Variants in CSMD1 observed in about 807,000 individuals in gnomAD.
CSMD1 encodes CUB and sushi domain-containing protein 1.
In CSMD1, 213 loss-of-function variants were observed where a neutral mutation model predicts 417.5. The observed-to-expected ratio is 0.51, with a 90% confidence interval of 0.46 to 0.57. The LOEUF is 0.57. Ranked by LOEUF, CSMD1 falls within the 20% of genes least tolerant of loss-of-function variation. The probability of loss-of-function intolerance (pLI) is 0.00; values close to 1 mark genes in which losing one functional copy is unlikely to be tolerated. For synonymous variants in CSMD1, 2,862 were observed against 1,736.8 expected (o/e 1.65, Z -16.11); for missense variants, 6,923 against 4,529.7 (o/e 1.53, Z -15.17).
In CSMD1 at chr8:3,223,825, A is replaced by G. The variant is rs751263029; in HGVS notation, c.4388T>C (p.Leu1463Ser). ...GNLTGPAGVILSPNYPQPYPP... is the reference protein window; with the variant it reads ...GNLTGPAGVISSPNYPQPYPP... ...ATACGGCTGTGGGTAGTTGGGTGAC[A>G]AAATAACACCTGCTGGGCCCGTCAG... The change falls in exon 28 of 70, where the codon TTG becomes TCG. Residue 1463 changes from leucine to serine, a missense_variant. By Grantham distance (145) the Leu-to-Ser change is moderately radical (BLOSUM62 -2). Coordinates refer to ENST00000635120, the MANE Select transcript of CSMD1 (RefSeq NM_033225.6). 6.2e-7 allele frequency: 1 copy of G among 1,613,792 alleles called. No homozygotes were observed. The highest frequency in any genetic ancestry group is 1.3e-5 in the African/African-American group (1 of 74,928).
intron 54 of CSMD1, among the ~76,000 whole-genome samples, chr8:2,996,057 CA>C (rs1245901797): frequency 6.6e-6 from 1 of 151,884 alleles, no homozygotes; most frequent in Non-Finnish European, 1.5e-5. Flanking sequence ...GGGTAGGGGA[CA>C]AAAAGGACCT....
intron 12 of CSMD1, among the ~76,000 whole-genome samples, chr8:3,419,079 G>A (rs1288551922): frequency 1.3e-5 from 2 of 152,132 alleles, no homozygotes; most frequent in African/African-American, 4.8e-5. Flanking sequence ...ATTGTTTAAG[G>A]CTGAAACGCC....
chr8:3,532,493 C>G (rs1479357535), intron 10 of CSMD1, among the ~76,000 whole-genome samples: 5 of 152,134 alleles, frequency 3.3e-5, no homozygotes, highest in African/African-American at 1.2e-4. Flanking sequence ...ACCTCTCCTC[C>G]ATATCCCAAC....
At chr8:2,991,324 C>G (rs1806365847) in intron 54 of CSMD1, among the ~76,000 whole-genome samples, 3 of 152,140 alleles carry the variant, frequency 2.0e-5, no homozygotes, top group South Asian at 4.1e-4. Context: ...AGGGTAAGGA[C>G]TAAAACACAC....
intron 5 of CSMD1, among the ~76,000 whole-genome samples, chr8:3,839,258 CTTATATATACTATTAATATATAATATTAA>C (rs1802938119): frequency 1.7e-5 from 2 of 120,990 alleles, no homozygotes; most frequent in Non-Finnish European, 3.2e-5. Context: ...ATATATATTA[CTTATATATACTATTAATATATAATATTAA>C]TTATATATAC....
At chr8:3,626,915 T>C (rs903223274) in intron 7 of CSMD1, among the ~76,000 whole-genome samples, 10 of 150,820 alleles carry the variant, frequency 6.6e-5, no homozygotes, top group Non-Finnish European at 1.5e-4. Flanking sequence ...ATTAAGGCTT[T>C]ATTAAATATT....
At chr8:4,409,163 C>G (rs894535903) in intron 3 of CSMD1, among the ~76,000 whole-genome samples, 2 of 152,074 alleles carry the variant, frequency 1.3e-5, no homozygotes, top group East Asian at 3.9e-4. Context: ...TACAAAATGA[C>G]CTTCAAATGG....
chr8:4,549,101 TAAGAA>T (rs1792815282), intron 2 of CSMD1, among the ~76,000 whole-genome samples: 1 of 152,150 alleles, frequency 6.6e-6, no homozygotes, highest in African/African-American at 2.4e-5. Context: ...AAGTTTGACT[TAAGAA>T]AAGTGGTCAT....
rs375708883 is a variant in CSMD1, at chr8:3,777,346, C to G, written c.819-23304G>C. Among the ~76,000 whole-genome samples the G allele has an allele frequency of 9.9e-4, 150 of 152,232 alleles. 4 individuals carry two copies. In the South Asian group the frequency reaches 0.03, roughly 31 times the overall value. ...AATCCTACTCACACAGTGCTCCAGACAGCAGTGCCTCCAGATGAGCTAACT... is the reference window on the plus strand; with the variant it reads ...AATCCTACTCACACAGTGCTCCAGAGAGCAGTGCCTCCAGATGAGCTAACT... On this transcript the variant is annotated intron_variant, in intron 5 of 69. Coordinates refer to ENST00000635120, the MANE Select transcript of CSMD1 (RefSeq NM_033225.6).
chr8:3,863,386 T>C (rs1804856306), intron 5 of CSMD1, among the ~76,000 whole-genome samples: 1 of 136,288 alleles, frequency 7.3e-6, no homozygotes, highest in Non-Finnish European at 1.5e-5. Context: ...ACAGCAATGA[T>C]ACTCTGCTCA....
intron 12 of CSMD1, among the ~76,000 whole-genome samples, chr8:3,443,984 A>G (rs995719636): frequency 5.3e-5 from 8 of 152,162 alleles, no homozygotes; most frequent in Admixed American, 3.3e-4. Flanking sequence ...AGGACTACAG[A>G]TATACAATGG....
chr8:4,593,972 G>A (rs1800127053), intron 2 of CSMD1, among the ~76,000 whole-genome samples: 1 of 152,038 alleles, frequency 6.6e-6, no homozygotes, highest in South Asian at 2.1e-4. Flanking sequence ...AACCCTGCCT[G>A]TGGAGGACCC....
chr8:4,467,122 T>TAAAAAAAAAAAAAAAA (rs35481238), intron 2 of CSMD1, among the ~76,000 whole-genome samples: 1 of 86,266 alleles, frequency 1.2e-5, no homozygotes, highest in Admixed American at 1.3e-4. Context: ...TTCTTCAGAG[T>TAAAAAAAAAAAAAAAA]AAAAAAAAAA....
intron 1 of CSMD1, among the ~76,000 whole-genome samples, chr8:4,991,767 C>T (rs1811480264): frequency 6.6e-6 from 1 of 152,196 alleles, no homozygotes; most frequent in Non-Finnish European, 1.5e-5. Context: ...ATGGCCAGAG[C>T]GCACAAACGG....
At chr8:3,751,137 T>C (rs943100585) in intron 6 of CSMD1, among the ~76,000 whole-genome samples, 4 of 152,156 alleles carry the variant, frequency 2.6e-5, no homozygotes, top group Non-Finnish European at 2.9e-5. Flanking sequence ...AACTTCCTTG[T>C]ACCGTGTTGT....
chr8:3,762,656 G>T (rs909840737), intron 5 of CSMD1, among the ~76,000 whole-genome samples: 3 of 152,202 alleles, frequency 2.0e-5, no homozygotes, highest in African/African-American at 7.2e-5. Flanking sequence ...CCCTGCTGAC[G>T]CCGTACAGGC....
At chr8:4,575,447 GGCAGGTCATTAAT>G (rs1563301028) in intron 2 of CSMD1, among the ~76,000 whole-genome samples, 1 of 152,132 alleles carries the variant, frequency 6.6e-6, no homozygotes, top group Non-Finnish European at 1.5e-5. Flanking sequence ...TGTAACATCC[GGCAGGTCATTAAT>G]TTCTCTGAAC....
rs769924758 is a variant in CSMD1, at chr8:3,162,251, G to C, written c.5752C>G (p.Pro1918Ala). ...TTGATGCTGTTGCTGGGGAGGGCTG[G>C]TTCTTGGCATGCAGCAAGACCTACA... ...KTVGLAACQE[P>A]ALPSNSIKIG... Residue 1918 changes from proline to alanine, a missense_variant, in exon 38 of 70, where the codon CCA becomes GCA. Transcript: ENST00000635120. 1 of 1,609,668 alleles carries C rather than the reference G, an allele frequency of 6.2e-7. No homozygotes were observed. Among genetic ancestry groups the C allele is most frequent in the Non-Finnish European group, 8.5e-7 (1 of 1,177,940 alleles).
intron 3 of CSMD1, among the ~76,000 whole-genome samples, chr8:4,033,580 C>T (rs1797468067): frequency 6.6e-6 from 1 of 152,196 alleles, no homozygotes. Flanking sequence ...TGTCTCCCTA[C>T]AATGTGTAAA....
Sources: gnomAD v4.1 joint callset for allele counts (sites outside exome capture counted in the v4.1 genomes callset) on GRCh38, gnomAD v4.1.1 for gene constraint, MANE v1.5 for transcripts, NCBI Gene and HGNC (gene_info 2026-07-23, HGNC 2026-07-21) for gene names.